CCDC178: variants seen among roughly 807,000 people sequenced by gnomAD.
CCDC178 encodes the protein coiled-coil domain-containing protein 178.
CCDC178 carries 126 observed loss-of-function variants against 117.4 expected under a neutral mutation model. The observed-to-expected ratio is 1.07, with a 90% CI of 0.93 to 1.24. The LOEUF (loss-of-function observed/expected upper bound fraction) is 1.24, where lower values mean the gene tolerates loss of function less well. Ranked by LOEUF, CCDC178 falls within the 50% of genes most tolerant of loss-of-function variation. CCDC178 has a pLI of 0.00. For missense variants in CCDC178, 1,030 were observed against 986.9 expected (o/e 1.04, Z -0.59); for synonymous variants, 283 against 313.4 (o/e 0.90, Z 1.02).
chr18:33,430,484 A>G (rs1290226753), intron 2 of CCDC178, among the ~76,000 whole-genome samples: 1 of 152,188 alleles, frequency 6.6e-6, no homozygotes, highest in Admixed American at 6.5e-5. Context: ...ATTCTGGCCA[A>G]TGGAATGTAG....
chr18:32,966,516 T>C (rs1484453810), intron 22 of CCDC178, among the ~76,000 whole-genome samples: 1 of 151,936 alleles, frequency 6.6e-6, no homozygotes, highest in Non-Finnish European at 1.5e-5. Context: ...ATTCTTGCAT[T>C]AATGTTGTGC....
chr18:33,352,779 C>T (rs2062994566), intron 7 of CCDC178, among the ~76,000 whole-genome samples: 2 of 151,798 alleles, frequency 1.3e-5, no homozygotes, highest in Non-Finnish European at 2.9e-5. Context: ...AAAAAAATAC[C>T]ATGTATAATT....
chr18:33,375,952 A>T (rs2063359186), intron 5 of CCDC178, among the ~76,000 whole-genome samples: 1 of 152,180 alleles, frequency 6.6e-6, no homozygotes, highest in African/African-American at 2.4e-5. Context: ...TTTATTAAAA[A>T]GCTTTAGGAC....
At chr18:33,238,224 T>C (rs1188744891) in intron 15 of CCDC178, among the ~76,000 whole-genome samples, 1 of 151,532 alleles carries the variant, frequency 6.6e-6, no homozygotes, top group Non-Finnish European at 1.5e-5. Context: ...GATACCAACA[T>C]AAGGAAACAA....
chr18:33,167,622 G>C (rs2058548679), intron 20 of CCDC178, among the ~76,000 whole-genome samples: 1 of 152,042 alleles, frequency 6.6e-6, no homozygotes, highest in Non-Finnish European at 1.5e-5. Context: ...CTAGCACTTT[G>C]GGAGGTCGAG....
At chr18:33,076,606 G>A (rs1304231726) in intron 21 of CCDC178, among the ~76,000 whole-genome samples, 2 of 152,142 alleles carry the variant, frequency 1.3e-5, no homozygotes, top group African/African-American at 4.8e-5. Flanking sequence ...TGTCAGCATT[G>A]ATTATTATAA....
At chr18:33,140,006 G>T (rs1388756981) in intron 20 of CCDC178, among the ~76,000 whole-genome samples, 1 of 152,142 alleles carries the variant, frequency 6.6e-6, no homozygotes, top group African/African-American at 2.4e-5. Context: ...GTGACTAAAA[G>T]GGGCCAAGGT....
intron 12 of CCDC178, among the ~76,000 whole-genome samples, chr18:33,278,077 T>C (rs2059971950): frequency 6.6e-6 from 1 of 152,008 alleles, no homozygotes; most frequent in Admixed American, 6.6e-5. Context: ...ATCTAAATGT[T>C]ATTATCTCTA....
intron 4 of CCDC178, 75 bp downstream of exon 4, chr18:33,397,074 C>G: frequency 1.1e-6 from 1 of 921,424 alleles, no homozygotes; most frequent in South Asian, 1.5e-5. Flanking sequence ...TATTTTCATG[C>G]TTATAATTTT....
chr18:33,289,534 A>C (rs914831253), intron 12 of CCDC178, among the ~76,000 whole-genome samples: 4 of 152,098 alleles, frequency 2.6e-5, no homozygotes, highest in African/African-American at 9.7e-5. Flanking sequence ...GAATCACTTG[A>C]ACCCATGAGG....
chr18:33,079,361 G>GTATT (rs1390902327), intron 21 of CCDC178, among the ~76,000 whole-genome samples: 1 of 152,096 alleles, frequency 6.6e-6, no homozygotes, highest in Non-Finnish European at 1.5e-5. Flanking sequence ...CTGGAGATAG[G>GTATT]AACCAGCAAA....
At chr18:32,954,517 G>A (rs1219993155) in intron 22 of CCDC178, 1 of 152,164 alleles carries the variant, frequency 6.6e-6, no homozygotes, top group Non-Finnish European at 1.5e-5. Context: ...GTTCCAGTCT[G>A]TCTGGGGAAA....
intron 21 of CCDC178, among the ~76,000 whole-genome samples, chr18:33,044,978 AC>A (rs2144906036): frequency 6.6e-6 from 1 of 152,302 alleles, no homozygotes; most frequent in African/African-American, 2.4e-5. Flanking sequence ...ATATGGACAT[AC>A]AGAGCAGACA....
At chr18:33,316,157 C>A (rs2062412199) in intron 11 of CCDC178, among the ~76,000 whole-genome samples, 1 of 152,226 alleles carries the variant, frequency 6.6e-6, no homozygotes, top group Non-Finnish European at 1.5e-5. Flanking sequence ...CCCGCCGCTG[C>A]ACTGTGGGAG....
In CCDC178 at chr18:33,139,945, C is replaced by T. The variant is rs536802808; in HGVS notation, c.2239-47035G>A. Among the ~76,000 whole-genome samples, 25 of 152,230 alleles carry T rather than the reference C, an allele frequency of 1.6e-4. No homozygotes were observed. In the East Asian group the frequency reaches 3.1e-3, roughly 19 times the overall value. On this transcript the variant is annotated intron_variant, in intron 20 of 22. Coordinates refer to ENST00000383096, the MANE Select transcript of CCDC178 (RefSeq NM_001105528.4). ...TCATGGGCCAGGCTCAGGGTTCCCA[C>T]GCTGTGCACAGTCTAGGGTCTTGGT...
At chr18:32,989,055 A>G (rs560384770) in intron 21 of CCDC178, among the ~76,000 whole-genome samples, 4 of 152,164 alleles carry the variant, frequency 2.6e-5, no homozygotes, top group East Asian at 1.9e-4. Context: ...GTTTCTTCCA[A>G]TTGTATGCCA....
chr18:32,939,819 C>CATCT (rs2054198533), intron 22 of CCDC178, among the ~76,000 whole-genome samples: 1 of 152,084 alleles, frequency 6.6e-6, no homozygotes, highest in Admixed American at 6.5e-5. Flanking sequence ...TTATCTCTTT[C>CATCT]ATATCCGAAA....
intron 12 of CCDC178, among the ~76,000 whole-genome samples, chr18:33,277,247 T>C (rs2059962089): frequency 6.6e-6 from 1 of 152,130 alleles, no homozygotes; most frequent in Non-Finnish European, 1.5e-5. Flanking sequence ...TAAAAATTAG[T>C]AAATTAGTGC....
At chr18:32,967,634 A>C (rs926839758) in intron 22 of CCDC178, among the ~76,000 whole-genome samples, 6 of 151,716 alleles carry the variant, frequency 4.0e-5, no homozygotes, top group Non-Finnish European at 5.9e-5. Flanking sequence ...TACAGTTATT[A>C]GTATCATTAA....
Sources: gnomAD v4.1 joint callset for allele counts (sites outside exome capture counted in the v4.1 genomes callset) on GRCh38, gnomAD v4.1.1 for gene constraint, MANE v1.5 for transcripts, NCBI Gene and HGNC (gene_info 2026-07-23, HGNC 2026-07-21) for gene names.